SAMD4B: variants seen among roughly 807,000 people sequenced by gnomAD.
The protein encoded by SAMD4B is sterile alpha motif domain containing 4B, also known as protein Smaug homolog 2.
Under a neutral mutation model 74.5 loss-of-function variants are expected in SAMD4B, and 5 were observed. The observed-to-expected ratio is 0.07, with a 90% CI of 0.04 to 0.14. The LOEUF is 0.14. Ranked by LOEUF, SAMD4B falls within the 10% of genes least tolerant of loss-of-function variation. SAMD4B has a pLI of 1.00. For synonymous variants in SAMD4B, 373 were observed against 374.9 expected (o/e 1.00, Z 0.06); for missense variants, 608 against 921.8 (o/e 0.66, Z 4.41).
At chr19:39,371,011 C>T (rs1752089876) in intron 4 of SAMD4B, among the ~76,000 whole-genome samples, 5 of 152,198 alleles carry the variant, frequency 3.3e-5, no homozygotes, top group South Asian at 2.1e-4. Context: ...AAAGAGCTCT[C>T]TTAGTAAAAG....
At position 39,342,463 on chromosome 19, in the gene SAMD4B, G is replaced by GCGGTGGT. The variant is rs2075355961; in HGVS notation, c.-374_-368dup. 1 of 182,814 alleles carries GCGGTGGT rather than the reference G, an allele frequency of 5.5e-6. No individual in the cohort carries two copies. Among genetic ancestry groups the GCGGTGGT allele is most frequent in the East Asian group, 1.5e-4 (1 of 6,546 alleles). The allele number at this position is 182,814 out of a possible 1,614,324, so 11.3% of individuals were successfully genotyped here. A position where few individuals can be genotyped will look rare whatever the true frequency, so the allele number is the denominator to read the frequency against. On this transcript the variant is annotated 5_prime_UTR_variant, in exon 1 of 14. Coordinates refer to ENST00000610417, the MANE Select transcript of SAMD4B (RefSeq NM_001384574.2). ...CGCGACGGCGGCGGCGGCGGCGGCG[G>GCGGTGGT]CGGTGGTCGGTGCGGGAGGAGGGAG...
intron 4 of SAMD4B, among the ~76,000 whole-genome samples, chr19:39,373,067 C>G (rs952285560): frequency 6.6e-6 from 1 of 152,160 alleles, no homozygotes; most frequent in African/African-American, 2.4e-5. Flanking sequence ...GGGCCTGCAC[C>G]AGGCTAGCCC....
Position 39,381,094 on chromosome 19 carries a change from C to T in SAMD4B, c.1953C>T (p.Ala651=). 6.2e-7 allele frequency: 1 copy of T among 1,611,766 alleles called. No individual in the cohort carries two copies. Among genetic ancestry groups the T allele is most frequent in the South Asian group, 1.1e-5 (1 of 90,788 alleles). ...HSLPVHSSPQ[A]ILMFPPDCPV... ...TCCCGGTCCACTCGTCACCCCAGGC[C>T]ATTCTCATGTTCCCTCCAGGTGAGG... The change falls in exon 12 of 14, where the codon GCC becomes GCT. Residue 651 remains alanine (A), a synonymous_variant. Transcript: ENST00000610417.
chr19:39,390,240 G>A (rs747469239), downstream of SAMD4B: 3 of 1,613,888 alleles, frequency 1.9e-6, no homozygotes, highest in Non-Finnish European at 2.5e-6. Flanking sequence ...CCGCTCCTGG[G>A]AAAGCACAGT....
At chr19:39,370,522 A>G (rs1255104062) in intron 4 of SAMD4B, among the ~76,000 whole-genome samples, 1 of 152,160 alleles carries the variant, frequency 6.6e-6, no homozygotes, top group Non-Finnish European at 1.5e-5. Context: ...GACCCTGCAC[A>G]AGTGCCCTAG....
Position 39,377,675 on chromosome 19 carries a change from C to G in SAMD4B, c.1295C>G (p.Thr432Arg). The G allele has an allele frequency of 2.5e-6, 4 of 1,614,208 alleles. No individual in the cohort carries two copies. Among genetic ancestry groups the G allele is most frequent in the Non-Finnish European group, 3.4e-6 (4 of 1,180,018 alleles). ...GAGCCTCCCCTAGCCCACCCCGGCA[C>G]AGACAAAGGCACCGAGGCCAAGGAC... is the stretch of plus-strand genomic sequence containing the variant. ...GAEPPLAHPG[T>R]DKGTEAKDPP... The change falls in exon 8 of 14, where the codon ACA (threonine) becomes AGA (arginine). Residue 432 changes from threonine (T) to arginine (R), a missense_variant. Coordinates refer to ENST00000610417, the MANE Select transcript of SAMD4B (RefSeq NM_001384574.2).
intron 4 of SAMD4B, among the ~76,000 whole-genome samples, chr19:39,373,246 CT>C (rs1042663205): frequency 6.8e-4 from 104 of 152,284 alleles, no homozygotes; most frequent in African/African-American, 2.4e-3. Context: ...GGCTCGTTGG[CT>C]TTGTTTCATT....
intron 12 of SAMD4B, 101 bp downstream of exon 12, chr19:39,381,214 G>A: frequency 7.2e-7 from 1 of 1,388,998 alleles, no homozygotes; most frequent in South Asian, 1.4e-5. Context: ...AGACTGCATT[G>A]GCACCTCTCC....
chr19:39,382,565 C>G (rs867345954), intron 12 of SAMD4B, among the ~76,000 whole-genome samples: 1 of 152,102 alleles, frequency 6.6e-6, no homozygotes, highest in African/African-American at 2.4e-5. Context: ...GTAAACAGCT[C>G]GGACTTTGTC....
chr19:39,374,272 A>C (rs1336985449), intron 4 of SAMD4B, among the ~76,000 whole-genome samples: 1 of 152,120 alleles, frequency 6.6e-6, no homozygotes, highest in Non-Finnish European at 1.5e-5. Flanking sequence ...TCAAAAAAAA[A>C]AATCAAGTTG....
chr19:39,342,979 A>G (rs913853602), intron 1 of SAMD4B, among the ~76,000 whole-genome samples: 5 of 145,312 alleles, frequency 3.4e-5, no homozygotes, highest in African/African-American at 1.3e-4. Context: ...CGAGCCCTTC[A>G]TGGGTCCCAG....
intron 2 of SAMD4B, among the ~76,000 whole-genome samples, chr19:39,354,831 G>A (rs1426297969): frequency 6.6e-6 from 1 of 152,100 alleles, no homozygotes; most frequent in African/African-American, 2.4e-5. Context: ...GAGTCCTATA[G>A]GGCTCGGTAG....
chr19:39,373,877 T>C (rs1471583899), intron 4 of SAMD4B, among the ~76,000 whole-genome samples: 1 of 152,024 alleles, frequency 6.6e-6, no homozygotes, highest in Non-Finnish European at 1.5e-5. Flanking sequence ...GGCAGGAGAA[T>C]TGCTTGAACC....
At chr19:39,381,544 G>A (rs1305076980) in intron 12 of SAMD4B, among the ~76,000 whole-genome samples, 1 of 152,182 alleles carries the variant, frequency 6.6e-6, no homozygotes, top group Non-Finnish European at 1.5e-5. Flanking sequence ...CAGATGCCAG[G>A]TGACCACACA....
At chr19:39,387,206 C>T (rs756369679), downstream of SAMD4B, 10 of 436,256 alleles carry the variant, frequency 2.3e-5, no homozygotes, top group South Asian at 1.7e-4. Flanking sequence ...CAAGGTTGTA[C>T]AGCATGTGAC....
intron 5 of SAMD4B, among the ~76,000 whole-genome samples, chr19:39,376,093 A>G (rs1485313775): frequency 6.6e-6 from 1 of 152,166 alleles, no homozygotes; most frequent in East Asian, 1.9e-4. Flanking sequence ...CTGACTGGGA[A>G]GGAGCCCCCT....
At chr19:39,351,253 G>T (rs2145288612) in intron 1 of SAMD4B, 1 of 152,510 alleles carries the variant, frequency 6.6e-6, no homozygotes, top group South Asian at 2.1e-4. Context: ...CAGAGTGCTG[G>T]GATTACAGGC....
rs762550050 is a variant in SAMD4B at position 39,383,687 on chromosome 19, A to G, written c.*160A>G. 1 of 1,549,156 alleles carries G rather than the reference A, an allele frequency of 6.5e-7. No individual in the cohort carries two copies. The highest frequency in any genetic ancestry group is 1.2e-5 in the South Asian group (1 of 86,196). On this transcript the variant is annotated 3_prime_UTR_variant, in exon 14 of 14. Transcript: ENST00000610417. This position sits in a 1 kb window ranked among gnomAD's most constrained non-coding sequence, Gnocchi z 4.1. ...CTCTTAACTTTTGTTTAACATTGGCACATGCCTTGCTCACTCCCAGGCCCG... is the reference window on the plus strand; with the variant it reads ...CTCTTAACTTTTGTTTAACATTGGCGCATGCCTTGCTCACTCCCAGGCCCG...
At chr19:39,372,174 C>T (rs2077346614) in intron 4 of SAMD4B, among the ~76,000 whole-genome samples, 1 of 152,134 alleles carries the variant, frequency 6.6e-6, no homozygotes, top group South Asian at 2.1e-4. Flanking sequence ...GAAGGCACAG[C>T]ATGAAATAAG....
Sources: gnomAD v4.1 joint callset for allele counts (sites outside exome capture counted in the v4.1 genomes callset) on GRCh38, gnomAD v4.1.1 for gene constraint, Gnocchi (gnomAD v3.1) non-coding constraint, MANE v1.5 for transcripts, NCBI Gene and HGNC (gene_info 2026-07-23, HGNC 2026-07-21) for gene names.